The following KCTD1 variants were observed in gnomAD, a reference collection of about 807,000 sequenced individuals.
KCTD1 encodes the protein BTB/POZ domain-containing protein KCTD1.
KCTD1 carries 24 observed loss-of-function variants against 66.0 expected under a neutral mutation model. The observed-to-expected ratio is 0.36, with a 90% confidence interval of 0.26 to 0.51. The LOEUF is 0.51. KCTD1 is among the 20% of genes least tolerant of loss of function. The pLI, the probability that KCTD1 is intolerant of heterozygous loss-of-function variation, is 0.95. For missense variants in KCTD1, 943 were observed against 1,205.2 expected, an observed-to-expected ratio of 0.78 and a Z score of 3.22; for synonymous variants, 511 against 517.2, an observed-to-expected ratio of 0.99 and a Z score of 0.16.
At chr18:26,548,589 G>A (rs946838163), upstream of KCTD1, 4 of 1,197,248 alleles carry the variant, frequency 3.3e-6, no homozygotes, top group East Asian at 3.5e-5. Flanking sequence ...ATATTGGACC[G>A]CAGCGCTGAG....
intron 1 of KCTD1, among the ~76,000 whole-genome samples, chr18:26,603,672 G>A (rs1487943662): frequency 1.3e-5 from 2 of 151,910 alleles, no homozygotes; most frequent in Non-Finnish European, 2.9e-5. Flanking sequence ...GAACCTGGGA[G>A]GCAGAGGGTG....
At chr18:26,469,852 G>A (rs1321197955) in intron 3 of KCTD1, among the ~76,000 whole-genome samples, 1 of 152,122 alleles carries the variant, frequency 6.6e-6, no homozygotes, top group Non-Finnish European at 1.5e-5. Context: ...AAATGTCCCT[G>A]CCTGGAGAAT....
intron 1 of KCTD1, among the ~76,000 whole-genome samples, chr18:26,509,518 GT>G (rs1167829581): frequency 1.3e-5 from 2 of 151,904 alleles, no homozygotes; most frequent in Non-Finnish European, 2.9e-5. Context: ...ACCATGTATC[GT>G]TTCTTTGTGT....
At chr18:26,646,425 A>G (rs1462311528) in intron 1 of KCTD1, among the ~76,000 whole-genome samples, 2 of 152,266 alleles carry the variant, frequency 1.3e-5, no homozygotes, top group African/African-American at 2.4e-5. Context: ...TAGAGCGTAT[A>G]TAAACTATAT....
At chr18:26,631,078 C>G (rs1414744154), upstream of KCTD1, among the ~76,000 whole-genome samples, 1 of 152,156 alleles carries the variant, frequency 6.6e-6, no homozygotes, top group Non-Finnish European at 1.5e-5. Context: ...TGAAACTTAC[C>G]AAAATCTCCT....
At chr18:26,551,278 C>T (rs1985558019), upstream of KCTD1, among the ~76,000 whole-genome samples, 1 of 152,204 alleles carries the variant, frequency 6.6e-6, no homozygotes, top group Admixed American at 6.5e-5. Context: ...GGGCAGGTCT[C>T]TACTGGCAAA....
intron 1 of KCTD1, among the ~76,000 whole-genome samples, chr18:26,607,060 G>A (rs1185030460): frequency 6.6e-6 from 1 of 151,828 alleles, no homozygotes; most frequent in Non-Finnish European, 1.5e-5. Flanking sequence ...TATGAGACAG[G>A]GTCTTGCTCT....
intron 1 of KCTD1, among the ~76,000 whole-genome samples, chr18:26,626,765 G>A (rs1233942478): frequency 1.3e-5 from 2 of 152,248 alleles, no homozygotes; most frequent in Non-Finnish European, 2.9e-5. Flanking sequence ...ACGAGTCCCT[G>A]TGCCCAGCAG....
intron 1 of KCTD1, among the ~76,000 whole-genome samples, chr18:26,525,611 C>A (rs1327702173): frequency 6.6e-6 from 1 of 152,178 alleles, no homozygotes; most frequent in Non-Finnish European, 1.5e-5. Flanking sequence ...TCCCAAAGCC[C>A]ACATCTAAGC....
rs1272146130 is a variant in KCTD1 at position 26,459,768 on chromosome 18, G to A, written c.2291C>T (p.Thr764Met). The A allele has an allele frequency of 6.2e-7, 1 of 1,614,174 alleles. No homozygotes were observed. Among genetic ancestry groups the A allele is most frequent in the Admixed American group, 1.7e-5 (1 of 60,024 alleles). Residue 764 changes from threonine to methionine, a missense_variant, in exon 4 of 5, where the codon ACG becomes ATG. By Grantham distance (81) the Thr-to-Met change is moderately conservative (BLOSUM62 -1). Around this residue, in one of 10 missense-constraint regions of KCTD1, gnomAD observed 162 missense variants for 232.4 expected, o/e 0.70. Transcript: ENST00000580059. ...TATCAAGGATTTGTCACCGCTTAGC[G>A]TGATCCTTTCTCCGAGGTCTGGGGC... ...RVAPDLGERI[T>M]LSGDKSLIEE... is the part of the protein sequence containing the mutation.
chr18:26,535,378 A>G (rs2031382700), intron 1 of KCTD1, among the ~76,000 whole-genome samples: 1 of 152,080 alleles, frequency 6.6e-6, no homozygotes, highest in African/African-American at 2.4e-5. Context: ...GAAACAGAGG[A>G]CTGGTCCCAG....
Position 26,601,326 on chromosome 18 carries a change from TAAA to T in KCTD1, c.-16+27818_-16+27820del, listed in dbSNP as rs61521451. ...GCCAGTAAATAAAAGTGTTCATTGG[TAAA>T]AAAAAAAAAAAAAAAAAAAAGAAAG... On this transcript the variant is annotated intron_variant, in intron 1 of 4. Coordinates refer to the KCTD1 transcript ENST00000317932. 6.5e-3 allele frequency among the ~76,000 whole-genome samples: 602 copies of T among 93,260 alleles called. 3 individuals are homozygous for T. The highest frequency in any genetic ancestry group is 0.023 in the African/African-American group (527 of 23,302). The allele number at this position is 93,260 out of a possible 152,430, so 61.2% of individuals were successfully genotyped here. A position where few individuals can be genotyped will look rare whatever the true frequency, so the allele number is the denominator to read the frequency against.
rs1435735255 is a variant in KCTD1, at chr18:26,459,613, G to C, written c.2439+7C>G. The C allele has an allele frequency of 2.5e-6, 4 of 1,579,758 alleles. No homozygotes were observed. The East Asian group carries it at 9.0e-5, about 36-fold the overall frequency. Reference sequence around the variant, plus strand: ...TTGATGCCACACAGTGCGTAACAATGCTATACCTGGACTGAGTTGAGGTGA... The same window carrying C: ...TTGATGCCACACAGTGCGTAACAATCCTATACCTGGACTGAGTTGAGGTGA... On this transcript the variant is annotated splice_region_variant and intron_variant, in intron 4 of 4. Coordinates refer to ENST00000580059, the MANE Select transcript of KCTD1 (RefSeq NM_001142730.3).
upstream of KCTD1, among the ~76,000 whole-genome samples, chr18:26,643,174 T>A (rs188262269): frequency 7.9e-4 from 120 of 152,286 alleles, no homozygotes; most frequent in Non-Finnish European, 1.2e-3. Flanking sequence ...GCCACCTTCT[T>A]GCTGTGTGCT....
At chr18:26,515,609 G>A (rs1006398356) in intron 1 of KCTD1, among the ~76,000 whole-genome samples, 8 of 150,624 alleles carry the variant, frequency 5.3e-5, no homozygotes, top group Non-Finnish European at 7.4e-5. Flanking sequence ...GGATTCAAGC[G>A]ATTTTCCTGC....
chr18:26,539,528 C>T (rs527568530), intron 1 of KCTD1, among the ~76,000 whole-genome samples: 1 of 152,320 alleles, frequency 6.6e-6, no homozygotes, highest in South Asian at 2.1e-4. Context: ...TTATATTCTA[C>T]TCCATAGCTA....
chr18:26,470,148 A>G (rs1980974287), intron 3 of KCTD1, among the ~76,000 whole-genome samples: 1 of 152,138 alleles, frequency 6.6e-6, no homozygotes, highest in Non-Finnish European at 1.5e-5. Flanking sequence ...TCACGCCACA[A>G]ATATTTACAT....
intron 1 of KCTD1, among the ~76,000 whole-genome samples, chr18:26,542,213 T>G (rs1384536146): frequency 1.3e-5 from 2 of 152,226 alleles, no homozygotes. Flanking sequence ...GTTTCAAATG[T>G]TAAAGCTACG....
At chr18:26,604,832 C>A (rs1986976154) in intron 1 of KCTD1, among the ~76,000 whole-genome samples, 1 of 152,068 alleles carries the variant, frequency 6.6e-6, no homozygotes, top group South Asian at 2.1e-4. Context: ...TACAATTAAT[C>A]CCTGTGAAAT....
Sources: gnomAD v4.1 joint callset for allele counts (sites outside exome capture counted in the v4.1 genomes callset) on GRCh38, gnomAD v4.1.1 for gene constraint, gnomAD v4.1.1 regional missense constraint, MANE v1.5 for transcripts, NCBI Gene and HGNC (gene_info 2026-07-23, HGNC 2026-07-21) for gene names.